AP4S1: variants seen among roughly 807,000 people sequenced by gnomAD.
AP4S1 encodes the protein AP-4 complex subunit sigma-1.
In AP4S1, 23 loss-of-function variants were observed where a neutral mutation model predicts 19.8. The ratio of observed to expected loss-of-function variants is 1.16; its 90% CI spans 0.84 to 1.65. The LOEUF is 1.65. Ranked by LOEUF, AP4S1 falls within the 40% of genes most tolerant of loss-of-function variation. AP4S1 has a pLI of 0.00. For synonymous variants in AP4S1, 46 were observed against 54.1 expected (o/e 0.85, Z 0.66); for missense variants, 166 against 172.8 (o/e 0.96, Z 0.22).
chr14:31,078,958 T>C (rs879498520), intron 4 of AP4S1, among the ~76,000 whole-genome samples: 1 of 152,228 alleles, frequency 6.6e-6, no homozygotes, highest in Non-Finnish European at 1.5e-5. Context: ...AAACATTCTT[T>C]CTGTGGCTAT....
chr14:31,058,704 A>G (rs1886269641), intron 1 of AP4S1, among the ~76,000 whole-genome samples: 1 of 149,912 alleles, frequency 6.7e-6, no homozygotes, highest in African/African-American at 2.5e-5. Context: ...AGTAGCTGGG[A>G]CTATAGGTAC....
At chr14:31,092,242 AGTCT>A (rs1260642929) in intron 5 of AP4S1, among the ~76,000 whole-genome samples, 1 of 152,160 alleles carries the variant, frequency 6.6e-6, no homozygotes, top group Non-Finnish European at 1.5e-5. Flanking sequence ...TTTTTACATC[AGTCT>A]GTCTGACAGA....
intron 4 of AP4S1, chr14:31,073,273 A>T (rs113522956): frequency 6.0e-6 from 2 of 331,998 alleles, no homozygotes; most frequent in African/African-American, 2.1e-5. Flanking sequence ...GGCAGATCAC[A>T]AGGTCAGGAG....
At chr14:31,076,758 G>A (rs922790818) in intron 4 of AP4S1, among the ~76,000 whole-genome samples, 26 of 151,974 alleles carry the variant, frequency 1.7e-4, no homozygotes, top group African/African-American at 6.3e-4. Flanking sequence ...TGATCTCTGT[G>A]TCTAGCCTTA....
chr14:31,026,207 G>A lies in AP4S1; in HGVS notation c.-72+420G>A, dbSNP rs187621345. On this transcript the variant is annotated intron_variant, in intron 1 of 5. Coordinates refer to ENST00000542754, the MANE Select transcript of AP4S1 (RefSeq NM_001128126.3). ...CCATTGTGTGTGGGGCCCCGGCCGG[G>A]GCGCAGGGCGAGACGCCGACAGCTG... is the stretch of plus-strand genomic sequence containing the variant. The A allele has an allele frequency of 7.2e-6, 10 of 1,394,594 alleles. No individual in the cohort carries two copies. The Admixed American group carries it at 3.6e-4, about 50-fold the overall frequency. The allele number at this position is 1,394,594 out of a possible 1,614,324, so 86.4% of individuals were successfully genotyped here. A position where few individuals can be genotyped will look rare whatever the true frequency, so the allele number is the denominator to read the frequency against.
At chr14:31,073,425 G>A (rs1467754153) in intron 4 of AP4S1, among the ~76,000 whole-genome samples, 2 of 138,436 alleles carry the variant, frequency 1.4e-5, no homozygotes, top group Non-Finnish European at 1.6e-5. Context: ...GGGAGGCGGA[G>A]CTTGCAGTGA....
intron 1 of AP4S1, among the ~76,000 whole-genome samples, chr14:31,063,982 C>T (rs1886579435): frequency 6.6e-6 from 1 of 152,194 alleles, no homozygotes; most frequent in Non-Finnish European, 1.5e-5. Flanking sequence ...TCAGCTGAGC[C>T]AGACCAGCCA....
intron 1 of AP4S1, among the ~76,000 whole-genome samples, chr14:31,037,951 C>T (rs185425442): frequency 6.6e-6 from 1 of 152,184 alleles, no homozygotes; most frequent in East Asian, 1.9e-4. Context: ...GACCCTGTCT[C>T]AAAACAAAAC....
intron 4 of AP4S1, among the ~76,000 whole-genome samples, chr14:31,075,749 T>TG (rs938913523): frequency 2.0e-5 from 3 of 151,526 alleles, no homozygotes; most frequent in Admixed American, 2.0e-4. Context: ...CAATTTTTTT[T>TG]TTTTTTTGAG....
chr14:31,070,715 G>A (rs1201606237), intron 3 of AP4S1, among the ~76,000 whole-genome samples: 1 of 152,216 alleles, frequency 6.6e-6, no homozygotes, highest in Non-Finnish European at 1.5e-5. Context: ...CTTGAACAAT[G>A]AAGCAGGTCA....
In AP4S1 at chr14:31,094,738, G is replaced by C. The variant is rs1424507001; in HGVS notation, c.*1703G>C. 1 of 152,322 alleles carries C rather than the reference G, an allele frequency of 6.6e-6. No individual in the cohort carries two copies. The highest frequency in any genetic ancestry group is 1.5e-5 in the Non-Finnish European group (1 of 68,160). The allele number at this position is 152,322 out of a possible 1,614,324, so 9.4% of individuals were successfully genotyped here. A position where few individuals can be genotyped will look rare whatever the true frequency, so the allele number is the denominator to read the frequency against. On this transcript the variant is annotated 3_prime_UTR_variant, in exon 6 of 6. Transcript: ENST00000542754. ...ACCATATCTCTACAAAAAATAAATAGGTGTGATGGCTCATGCCTGTAATCC... is the reference window on the plus strand; with the variant it reads ...ACCATATCTCTACAAAAAATAAATACGTGTGATGGCTCATGCCTGTAATCC...
At position 31,094,722 on chromosome 14, in the gene AP4S1, C is replaced by T. The variant is rs1387032483; in HGVS notation, c.*1687C>T. 6.6e-6 allele frequency: 1 copy of T among 152,304 alleles called. No homozygotes were observed. Among genetic ancestry groups the T allele is most frequent in the Non-Finnish European group, 1.5e-5 (1 of 68,142 alleles). 9.4% of individuals were successfully genotyped at this position (152,304 alleles called of 1,614,324 possible). A position where few individuals can be genotyped will look rare whatever the true frequency, so the allele number is the denominator to read the frequency against. On this transcript the variant is annotated 3_prime_UTR_variant, in exon 6 of 6. Transcript: ENST00000542754. ...TGGGCAACACAGCAAGACCATATCT[C>T]TACAAAAAATAAATAGGTGTGATGG...
intron 1 of AP4S1, among the ~76,000 whole-genome samples, chr14:31,036,601 G>T (rs186559172): frequency 1.3e-5 from 2 of 152,174 alleles, no homozygotes; most frequent in Non-Finnish European, 2.9e-5. Flanking sequence ...CTTGCTCAGT[G>T]AAGGGCCTGT....
At chr14:31,061,345 A>G (rs1002316671) in intron 1 of AP4S1, among the ~76,000 whole-genome samples, 5 of 152,146 alleles carry the variant, frequency 3.3e-5, no homozygotes, top group African/African-American at 1.2e-4. Context: ...TTCAACAAGC[A>G]TGGATGCCTC....
intron 5 of AP4S1, among the ~76,000 whole-genome samples, chr14:31,089,031 G>A (rs530734365): frequency 3.6e-4 from 55 of 151,656 alleles, no homozygotes; most frequent in South Asian, 2.3e-3. Context: ...GCGTGGCAGC[G>A]CACCTGTGGT....
chr14:31,057,170 G>A (rs1366945996), intron 1 of AP4S1, among the ~76,000 whole-genome samples: 1 of 152,194 alleles, frequency 6.6e-6, no homozygotes, highest in Non-Finnish European at 1.5e-5. Flanking sequence ...TGTAGTATGA[G>A]TCAGGGGAGC....
intron 1 of AP4S1, among the ~76,000 whole-genome samples, chr14:31,035,456 G>GGCTTA (rs1236556559): frequency 2.6e-5 from 4 of 151,638 alleles, no homozygotes; most frequent in Admixed American, 2.0e-4. Context: ...CTCCCAAAGT[G>GGCTTA]CTAGGATTAC....
chr14:31,089,351 C>G (rs1448401924), intron 5 of AP4S1, among the ~76,000 whole-genome samples: 1 of 152,068 alleles, frequency 6.6e-6, no homozygotes, highest in Non-Finnish European at 1.5e-5. Context: ...AATGAGAAAG[C>G]AAGTTTTCCC....
chr14:31,076,466 G>A (rs1012156318), intron 4 of AP4S1, among the ~76,000 whole-genome samples: 38 of 152,272 alleles, frequency 2.5e-4, no homozygotes, highest in African/African-American at 9.1e-4. Flanking sequence ...ATCTTCTTGG[G>A]AGAAATGTCT....
Sources: allele counts gnomAD v4.1 joint callset (sites outside exome capture counted in the v4.1 genomes callset), GRCh38; gene constraint gnomAD v4.1.1; transcripts MANE v1.5; gene names NCBI Gene and HGNC (gene_info 2026-07-23, HGNC 2026-07-21).